Variants in SLC31A2 observed in about 807,000 individuals in gnomAD.
SLC31A2 encodes the protein solute carrier family 31 member 2.
SLC31A2 carries 16 observed loss-of-function variants against 14.4 expected under a neutral mutation model. The ratio of observed to expected loss-of-function variants is 1.11; its 90% CI spans 0.75 to 1.69. SLC31A2 has a LOEUF of 1.69. SLC31A2 is among the 40% of genes most tolerant of loss of function. The probability of loss-of-function intolerance (pLI) is 0.00; values close to 1 mark genes in which losing one functional copy is unlikely to be tolerated. For synonymous variants in SLC31A2, 56 were observed against 68.7 expected (o/e 0.82, Z 0.91); for missense variants, 140 against 173.9 (o/e 0.81, Z 1.10).
Position 113,162,734 on chromosome 9 carries a change from C to T in SLC31A2, c.264-15C>T. 1 of 1,604,420 alleles carries T rather than the reference C, an allele frequency of 6.2e-7. No individual in the cohort carries two copies. The highest frequency in any genetic ancestry group is 1.7e-5 in the Admixed American group (1 of 59,070). ...GCTCATTACCAGGATTAACTTGCTT[C>T]TCCTTTTTATCTAGGTGGTATTTGT... On this transcript the variant is annotated splice_polypyrimidine_tract_variant and intron_variant, in intron 3 of 3. Transcript: ENST00000259392.
At position 113,155,898 on chromosome 9, in the gene SLC31A2, A is replaced by T. The variant is rs1829927863; in HGVS notation, c.7-1829A>T. On this transcript the variant is annotated intron_variant, in intron 1 of 3. Transcript: ENST00000259392. ...TGAGGCCAGAGAGAGGCCCTGGTTAACAAATGTGTTTTGTTCCAAATCCTG... is the reference window on the plus strand; with the variant it reads ...TGAGGCCAGAGAGAGGCCCTGGTTATCAAATGTGTTTTGTTCCAAATCCTG... 3 of 339,576 alleles carry T rather than the reference A, an allele frequency of 8.8e-6. No homozygotes were observed. In the Admixed American group the frequency reaches 1.0e-4, roughly 12 times the overall value. The allele number at this position is 339,576 out of a possible 1,614,324, so 21.0% of individuals were successfully genotyped here. A position where few individuals can be genotyped will look rare whatever the true frequency, so the allele number is the denominator to read the frequency against.
intron 1 of SLC31A2, among the ~76,000 whole-genome samples, chr9:113,157,339 G>A (rs753883726): frequency 2.0e-5 from 3 of 152,176 alleles, no homozygotes; most frequent in South Asian, 2.1e-4. Flanking sequence ...TCCATCACAC[G>A]GGAGCCTGTT....
intron 1 of SLC31A2, among the ~76,000 whole-genome samples, chr9:113,155,561 T>A (rs918047643): frequency 6.6e-6 from 1 of 152,200 alleles, no homozygotes; most frequent in African/African-American, 2.4e-5. Context: ...TATGAGATTC[T>A]TTCCCACAGG....
intron 3 of SLC31A2, chr9:113,162,150 T>C: frequency 3.1e-6 from 1 of 326,652 alleles, no homozygotes; most frequent in Non-Finnish European, 5.8e-6. Context: ...TTAGGGTCCC[T>C]GTTCTGCCCT....
At chr9:113,156,186 GC>G (rs1411863861) in intron 1 of SLC31A2, 2 of 514,000 alleles carry the variant, frequency 3.9e-6, no homozygotes, top group African/African-American at 1.9e-5. Flanking sequence ...AGAACTGATG[GC>G]CCCCACAGCC....
chr9:113,158,290 AT>A (rs751132221), intron 2 of SLC31A2, among the ~76,000 whole-genome samples: 26 of 152,170 alleles, frequency 1.7e-4, no homozygotes, highest in Non-Finnish European at 3.7e-4. Flanking sequence ...TGAAGAAGTT[AT>A]TTTTCAACTT....
rs769485883 is a variant in SLC31A2, at chr9:113,156,159, G to A, written c.7-1568G>A. On this transcript the variant is annotated intron_variant, in intron 1 of 3. Coordinates refer to ENST00000259392, the MANE Select transcript of SLC31A2 (RefSeq NM_001860.3). ...CCCCACACTGACGTTTGCCTCCACC[G>A]GAACTCCTTTTCTGTAAGAACTGAT... The A allele has an allele frequency of 1.5e-5, 8 of 517,348 alleles. No homozygotes were observed. In the East Asian group the frequency reaches 2.7e-4, roughly 18 times the overall value. The allele number at this position is 517,348 out of a possible 1,614,324, so 32.0% of individuals were successfully genotyped here.
chr9:113,155,995 G>A (rs1431659441), intron 1 of SLC31A2: 2 of 517,560 alleles, frequency 3.9e-6, no homozygotes, highest in Non-Finnish European at 7.7e-6. Context: ...GAGACGACTA[G>A]AACATGCAAG....
At position 113,157,691 on chromosome 9, in the gene SLC31A2, C is replaced by G. The variant is rs1181740678; in HGVS notation, c.7-36C>G. On this transcript the variant is annotated intron_variant, in intron 1 of 3. Transcript: ENST00000259392. ...ATTAAGGACCGTAACTTCCACTGCC[C>G]TGTGCCCCTATGATGCAGATTCCTT... 3 of 1,557,544 alleles carry G rather than the reference C, an allele frequency of 1.9e-6. No individual in the cohort carries two copies. In the South Asian group the frequency reaches 3.4e-5, roughly 18 times the overall value.
chr9:113,162,716 AC>A, intron 3 of SLC31A2, 32 bp from the exon 4 acceptor site: 2 of 1,587,956 alleles, frequency 1.3e-6, no homozygotes, highest in Non-Finnish European at 1.7e-6. Context: ...CCAGCTCATT[AC>A]CAGGATTAAC....
chr9:113,162,281 T>C (rs751802687), intron 3 of SLC31A2: 9 of 234,310 alleles, frequency 3.8e-5, no homozygotes, highest in Non-Finnish European at 6.7e-5. Flanking sequence ...ATTCCTGTTT[T>C]ACTGATAAGG....
chr9:113,154,902 T>C (rs1213355025), intron 1 of SLC31A2, among the ~76,000 whole-genome samples: 2 of 152,242 alleles, frequency 1.3e-5, no homozygotes, highest in Non-Finnish European at 1.5e-5. Context: ...TCAGGAAATA[T>C]GGGCCAGCTA....
chr9:113,159,253 A>G (rs1042918361), intron 2 of SLC31A2, among the ~76,000 whole-genome samples: 12 of 152,038 alleles, frequency 7.9e-5, no homozygotes, highest in African/African-American at 2.9e-4. Context: ...GCCTCAGCCT[A>G]CCGAGTAGCT....
rs1028053870 is a variant in SLC31A2 at position 113,163,425 on chromosome 9, C to T, written c.*508C>T. The stretch of plus-strand genomic sequence containing the variant: ...TTTTCTCACCTTTCTGCCTTTGGAA[C>T]ACATGAAGATCATCTCGTCTATGGA... On this transcript the variant is annotated 3_prime_UTR_variant, in exon 4 of 4. Transcript: ENST00000259392. 2 of 152,796 alleles carry T rather than the reference C, an allele frequency of 1.3e-5. No individual in the cohort carries two copies. Among genetic ancestry groups the T allele is most frequent in the African/African-American group, 2.4e-5 (1 of 41,462 alleles). 9.5% of individuals were successfully genotyped at this position (152,796 alleles called of 1,614,324 possible). A position where few individuals can be genotyped will look rare whatever the true frequency, so the allele number is the denominator to read the frequency against.
intron 1 of SLC31A2, among the ~76,000 whole-genome samples, chr9:113,154,255 G>C (rs73548397): frequency 0.065 from 9,911 of 152,244 alleles, 498 homozygotes; most frequent in East Asian, 0.19. Context: ...CTGTGAAAGT[G>C]AGGCCAAACC....
chr9:113,161,889 C>T lies in SLC31A2; in HGVS notation c.263+191C>T, dbSNP rs754607987. 5.3e-5 allele frequency: 37 copies of T among 699,260 alleles called. 1 individual carries two copies. The South Asian group carries it at 5.5e-4, about 10-fold the overall frequency. 43.3% of individuals were successfully genotyped at this position (699,260 alleles called of 1,614,324 possible). On this transcript the variant is annotated intron_variant, in intron 3 of 3. Coordinates refer to ENST00000259392, the MANE Select transcript of SLC31A2 (RefSeq NM_001860.3). ...GTCTCCTGATGCCCAGGCCAAAGCA[C>T]TCTGTGAACAGCCAGCCACTTGAGA...
At chr9:113,155,974 G>T (rs760103132) in intron 1 of SLC31A2, 2 of 509,384 alleles carry the variant, frequency 3.9e-6, no homozygotes, top group South Asian at 1.4e-5. Context: ...CTGTTGAGAG[G>T]GGGAGGATTG....
At chr9:113,160,271 G>A (rs1349631574) in intron 2 of SLC31A2, among the ~76,000 whole-genome samples, 1 of 152,162 alleles carries the variant, frequency 6.6e-6, no homozygotes, top group Non-Finnish European at 1.5e-5. Flanking sequence ...AGGGGGTTCA[G>A]AGCCTCCAGG....
chr9:113,160,331 C>T (rs1490107446), intron 2 of SLC31A2, among the ~76,000 whole-genome samples: 1 of 146,314 alleles, frequency 6.8e-6, no homozygotes, highest in East Asian at 2.0e-4. Flanking sequence ...TTCACAGCAG[C>T]TGGAAGCTTT....
Sources: allele counts gnomAD v4.1 joint callset (sites outside exome capture counted in the v4.1 genomes callset), GRCh38; gene constraint gnomAD v4.1.1; transcripts MANE v1.5; gene names NCBI Gene and HGNC (gene_info 2026-07-23, HGNC 2026-07-21).